FAM228B: variants seen among roughly 807,000 people sequenced by gnomAD.
The protein encoded by FAM228B is protein FAM228B.
In FAM228B, 38 loss-of-function variants were observed where a neutral mutation model predicts 42.6. The ratio of observed to expected loss-of-function variants is 0.89; its 90% CI spans 0.69 to 1.17. FAM228B has a LOEUF of 1.17. FAM228B is among the 50% of genes most tolerant of loss of function. The pLI, the probability that FAM228B is intolerant of heterozygous loss-of-function variation, is 0.00. For synonymous variants in FAM228B, 109 were observed against 122.3 expected, an observed-to-expected ratio of 0.89 and a Z score of 0.72; for missense variants, 344 against 367.3, an observed-to-expected ratio of 0.94 and a Z score of 0.52.
intron 3 of FAM228B, among the ~76,000 whole-genome samples, chr2:24,107,184 G>A (rs1665716409): frequency 6.6e-6 from 1 of 151,886 alleles, no homozygotes; most frequent in African/African-American, 2.4e-5. Context: ...AGATAAACAG[G>A]GCATTATATA....
Position 24,167,380 on chromosome 2 carries a change from C to T in FAM228B, c.933-247C>T, listed in dbSNP as rs140774893. Among the ~76,000 whole-genome samples, 112 of 152,184 alleles carry T rather than the reference C, an allele frequency of 7.4e-4. 1 individual carries two copies. The highest frequency in any genetic ancestry group is 6.1e-3 in the Admixed American group (93 of 15,274). ...AGAGAAGTGCAGAAGTGAGGAATAA[C>T]CGTGTTTGGGGCTGATTCCATTGCA... On this transcript the variant is annotated intron_variant, in intron 9 of 10. Transcript: ENST00000615575.
At chr2:24,147,360 G>GT (rs1217426606) in intron 7 of FAM228B, among the ~76,000 whole-genome samples, 1 of 151,092 alleles carries the variant, frequency 6.6e-6, no homozygotes. Context: ...GTTTATATTT[G>GT]TTTTTTTCTG....
At chr2:24,111,893 T>C (rs940534252) in intron 3 of FAM228B, among the ~76,000 whole-genome samples, 35 of 152,078 alleles carry the variant, frequency 2.3e-4, no homozygotes, top group African/African-American at 8.5e-4. Flanking sequence ...TGTTACAAGC[T>C]ATGGTGTAAA....
chr2:24,167,517 T>G, intron 9 of FAM228B, 110 bp from the exon 10 acceptor site: 2 of 1,439,888 alleles, frequency 1.4e-6, no homozygotes, highest in Non-Finnish European at 1.9e-6. Flanking sequence ...TCTCCTGCCC[T>G]GGGCATTCTC....
At chr2:24,140,892 G>T (rs1192562912) in intron 5 of FAM228B, among the ~76,000 whole-genome samples, 1 of 151,250 alleles carries the variant, frequency 6.6e-6, no homozygotes, top group African/African-American at 2.4e-5. Context: ...AACCCGGGAG[G>T]TGGAGGCAGC....
chr2:24,084,141 G>T lies in FAM228B; in HGVS notation c.-210+3186G>T. On this transcript the variant is annotated intron_variant, in intron 2 of 10. Transcript: ENST00000613899. The surrounding 1 kb of genome is among the most constrained non-coding windows in gnomAD (Gnocchi z 8.4). ...AATGTCCACTGAGTGCTGTTGAGAG[G>T]GAGGCTCTGGAGTCCCGCCCGCCCC... 1 of 1,572,588 alleles carries T rather than the reference G, an allele frequency of 6.4e-7. No individual in the cohort carries two copies. The highest frequency in any genetic ancestry group is 8.6e-7 in the Non-Finnish European group (1 of 1,163,324).
chr2:24,081,424 G>A (rs1664997628), intron 2 of FAM228B, among the ~76,000 whole-genome samples: 1 of 152,166 alleles, frequency 6.6e-6, no homozygotes, highest in Non-Finnish European at 1.5e-5. Flanking sequence ...ACCACCGAAA[G>A]CCAGTCCTTC....
At chr2:24,106,041 TTTTA>T (rs1665691497) in intron 3 of FAM228B, among the ~76,000 whole-genome samples, 1 of 152,114 alleles carries the variant, frequency 6.6e-6, no homozygotes, top group African/African-American at 2.4e-5. Context: ...GGAAAACATA[TTTTA>T]GGATAATGTT....
chr2:24,155,017 G>A (rs1452833977), intron 7 of FAM228B, among the ~76,000 whole-genome samples: 1 of 152,054 alleles, frequency 6.6e-6, no homozygotes, highest in Non-Finnish European at 1.5e-5. Flanking sequence ...TGTCTACTTT[G>A]AGCATCATAA....
intron 2 of FAM228B, among the ~76,000 whole-genome samples, chr2:24,128,632 G>T (rs970025992): frequency 2.6e-5 from 4 of 151,398 alleles, no homozygotes; most frequent in Admixed American, 2.6e-4. Context: ...GATGATTTTT[G>T]ATTAAATGCA....
chr2:24,101,248 A>C (rs188045442), intron 3 of FAM228B, among the ~76,000 whole-genome samples: 38 of 152,296 alleles, frequency 2.5e-4, no homozygotes, highest in African/African-American at 8.7e-4. Context: ...TGTACCCTAG[A>C]ACTTAAAGTA....
upstream of FAM228B, chr2:24,121,244 T>C (rs779841085): frequency 6.2e-7 from 1 of 1,614,224 alleles, no homozygotes; most frequent in Non-Finnish European, 8.5e-7. Flanking sequence ...CTCTTCGGGC[T>C]TGCAAAGGGT....
intron 2 of FAM228B, among the ~76,000 whole-genome samples, chr2:24,092,218 C>CCAT (rs1558367521): frequency 1.3e-4 from 4 of 29,994 alleles, no homozygotes; most frequent in East Asian, 1.2e-3. Context: ...GACTCTGTCT[C>CCAT]AAAAAAAAAA....
At chr2:24,161,869 C>T (rs576307042) in intron 8 of FAM228B, among the ~76,000 whole-genome samples, 5 of 152,300 alleles carry the variant, frequency 3.3e-5, no homozygotes, top group Admixed American at 1.3e-4. Context: ...GAGGCCGAGG[C>T]GGGCAGATCA....
rs1211414577 is a variant in FAM228B at position 24,169,602 on chromosome 2, G to C, written c.*261G>C. 3.7e-6 allele frequency: 1 copy of C among 271,644 alleles called. No homozygotes were observed. Among genetic ancestry groups the C allele is most frequent in the Non-Finnish European group, 8.0e-6 (1 of 125,324 alleles). 16.8% of individuals were successfully genotyped at this position (271,644 alleles called of 1,614,324 possible). The stretch of plus-strand genomic sequence containing the variant: ...TTTTCCCCAGAAGTTAAGAAATATT[G>C]CTGAACGAACCAATAAAAATAATTA... On this transcript the variant is annotated 3_prime_UTR_variant, in exon 11 of 11. Coordinates refer to ENST00000615575, the MANE Select transcript of FAM228B (RefSeq NM_001145710.2). This position sits in a 1 kb window ranked among gnomAD's most constrained non-coding sequence, Gnocchi z 4.2.
intron 5 of FAM228B, among the ~76,000 whole-genome samples, chr2:24,144,056 G>C (rs1666830236): frequency 6.6e-6 from 1 of 151,976 alleles, no homozygotes; most frequent in South Asian, 2.1e-4. Context: ...CATTTATGAT[G>C]TGTAAGTGCT....
chr2:24,097,546 A>G (rs1665524817), intron 3 of FAM228B: 1 of 152,140 alleles, frequency 6.6e-6, no homozygotes, highest in Admixed American at 6.6e-5. Flanking sequence ...AGGCCATTAC[A>G]TAATGGTAAA....
At chr2:24,151,961 C>T (rs148306512) in intron 7 of FAM228B, among the ~76,000 whole-genome samples, 9,087 of 152,170 alleles carry the variant, frequency 0.06, 382 homozygotes, top group Non-Finnish European at 0.088. Context: ...CTCCCTCTCC[C>T]GGACTCAAGC....
At chr2:24,104,251 A>G (rs1001277618) in intron 3 of FAM228B, among the ~76,000 whole-genome samples, 2 of 152,296 alleles carry the variant, frequency 1.3e-5, no homozygotes, top group Non-Finnish European at 1.5e-5. Context: ...GGAATAGGAG[A>G]ATCCCACTGG....
Sources: allele counts gnomAD v4.1 joint callset (sites outside exome capture counted in the v4.1 genomes callset), GRCh38; gene constraint gnomAD v4.1.1; non-coding constraint Gnocchi (gnomAD v3.1); transcripts MANE v1.5; gene names NCBI Gene and HGNC (gene_info 2026-07-23, HGNC 2026-07-21).